The following ADAM32 variants were observed in gnomAD, a reference collection of about 807,000 sequenced individuals.
The protein encoded by ADAM32 is ADAM metallopeptidase domain 32.
A neutral mutation model predicts 114.9 loss-of-function variants in ADAM32; 89 were observed. The observed-to-expected ratio is 0.77, with a 90% CI of 0.65 to 0.92. The LOEUF is 0.92. Ranked by LOEUF, ADAM32 falls within the 40% of genes least tolerant of loss-of-function variation. ADAM32 has a pLI of 0.00. For missense variants in ADAM32, 870 were observed against 932.8 expected (o/e 0.93, Z 0.88); for synonymous variants, 285 against 307.5 (o/e 0.93, Z 0.77).
intron 19 of ADAM32, among the ~76,000 whole-genome samples, chr8:39,270,205 T>G (rs1812626924): frequency 6.6e-6 from 1 of 152,200 alleles, no homozygotes; most frequent in African/African-American, 2.4e-5. Flanking sequence ...AGAAAAAATA[T>G]TTTTAAAAAT....
At chr8:39,131,927 C>G in intron 2 of ADAM32, 1 of 213,832 alleles carries the variant, frequency 4.7e-6, no homozygotes, top group South Asian at 4.8e-5. Flanking sequence ...GAGTTTCGCT[C>G]TTGTCGCTCA....
At chr8:39,277,689 G>A (rs961433402) in intron 22 of ADAM32, among the ~76,000 whole-genome samples, 3 of 152,230 alleles carry the variant, frequency 2.0e-5, no homozygotes, top group South Asian at 2.1e-4. Flanking sequence ...GACCCACTGC[G>A]CTCCACCACT....
At chr8:39,148,107 T>C (rs1304906671) in intron 4 of ADAM32, among the ~76,000 whole-genome samples, 5 of 152,104 alleles carry the variant, frequency 3.3e-5, no homozygotes, top group Admixed American at 2.6e-4. Flanking sequence ...GGTGACCATA[T>C]TGATCCTGTT....
chr8:39,252,358 G>A (rs1811360298), intron 17 of ADAM32, among the ~76,000 whole-genome samples: 1 of 150,116 alleles, frequency 6.7e-6, no homozygotes, highest in Admixed American at 6.7e-5. Context: ...CAACCATTGG[G>A]CTAAACAACA....
chr8:39,151,342 T>A, intron 5 of ADAM32, 35 bp from the exon 6 acceptor site: 1 of 1,500,072 alleles, frequency 6.7e-7, no homozygotes, highest in Middle Eastern at 2.0e-4. Flanking sequence ...TAGATTTGAT[T>A]AAAAGCACTT....
At chr8:39,198,457 A>T (rs987623719) in intron 11 of ADAM32, among the ~76,000 whole-genome samples, 1 of 152,020 alleles carries the variant, frequency 6.6e-6, no homozygotes, top group Admixed American at 6.6e-5. Context: ...GGCTCACTGC[A>T]ACCTCTGCCT....
At chr8:39,273,684 T>C (rs753446388) in intron 20 of ADAM32, among the ~76,000 whole-genome samples, 8 of 152,230 alleles carry the variant, frequency 5.3e-5, no homozygotes, top group Non-Finnish European at 1.2e-4. Context: ...GCTTCTGAAG[T>C]TATTCAGCCT....
At position 39,257,292 on chromosome 8, in the gene ADAM32, G is replaced by A; in HGVS notation, c.2111G>A (p.Arg704Lys). 6.2e-7 allele frequency: 1 copy of A among 1,613,126 alleles called. No individual in the cohort carries two copies. Among genetic ancestry groups the A allele is most frequent in the Non-Finnish European group, 8.5e-7 (1 of 1,179,460 alleles). ...LIVTTAIVLA[R>K]KQLKKWFAKE... is the part of the protein sequence containing the mutation. ...GTAACAACCGCAATAGTTTTGGCAA[G>A]GAAACAGTTGAAAAAGTGGTTCGCC... The change falls in exon 19 of 25, where the codon AGG (arginine) becomes AAG (lysine). Residue 704 changes from arginine (R) to lysine (K), a missense_variant. Arg to Lys is a conservative substitution (Grantham distance 26). Coordinates refer to ENST00000379907, the MANE Select transcript of ADAM32 (RefSeq NM_145004.7).
At chr8:39,211,007 T>C (rs1380735359) in intron 11 of ADAM32, 137 bp from the exon 12 acceptor site, 1 of 650,388 alleles carries the variant, frequency 1.5e-6, no homozygotes, top group Non-Finnish European at 2.3e-6. Flanking sequence ...TCCTCAAGTA[T>C]GATTTTGGCC....
At chr8:39,164,896 C>G in intron 8 of ADAM32, 61 bp downstream of exon 8, 1 of 1,531,940 alleles carries the variant, frequency 6.5e-7, no homozygotes, top group Non-Finnish European at 9.0e-7. Context: ...TTTGCCTAAA[C>G]TTGATGCGGT....
intron 2 of ADAM32, 53 bp from the exon 3 acceptor site, chr8:39,136,604 T>A: frequency 8.4e-7 from 1 of 1,193,184 alleles, no homozygotes; most frequent in Non-Finnish European, 1.2e-6. Context: ...AAACTGTTGT[T>A]TTGCTTCTTG....
At chr8:39,245,047 T>C (rs1318827895) in intron 16 of ADAM32, among the ~76,000 whole-genome samples, 1 of 152,070 alleles carries the variant, frequency 6.6e-6, no homozygotes, top group Non-Finnish European at 1.5e-5. Context: ...AGCAAAAATA[T>C]AATCAGCAGA....
rs770492562 is a variant in ADAM32 at position 39,165,079 on chromosome 8, G to A, written c.716G>A (p.Trp239Ter). Residue 239 changes from tryptophan (W) to a stop codon, truncating the protein, a stop_gained, in exon 9 of 25, where the codon TGG becomes TAG. Transcript: ENST00000379907. LOFTEE classifies it high-confidence loss of function. ...VTIVLSSLELWSDENKISTVG... is the reference protein window; with the variant it reads ...VTIVLSSLEL The stretch of plus-strand genomic sequence containing the variant: ...ATTGTGCTGTCATCATTGGAGTTAT[G>A]GTCAGATGAAAATAAGATTTCTACA... 3 of 1,609,552 alleles carry A rather than the reference G, an allele frequency of 1.9e-6. No homozygotes were observed. Among genetic ancestry groups the A allele is most frequent in the Non-Finnish European group, 2.5e-6 (3 of 1,177,918 alleles).
At chr8:39,114,009 T>G (rs1271763915) in intron 1 of ADAM32, among the ~76,000 whole-genome samples, 1 of 152,148 alleles carries the variant, frequency 6.6e-6, no homozygotes, top group Non-Finnish European at 1.5e-5. Flanking sequence ...TTTTTTTCAC[T>G]AATCAACTAT....
intron 17 of ADAM32, among the ~76,000 whole-genome samples, chr8:39,250,117 A>T (rs1469887179): frequency 6.6e-6 from 1 of 151,888 alleles, no homozygotes; most frequent in Non-Finnish European, 1.5e-5. Flanking sequence ...ATTTGTTGTG[A>T]GACATTAATT....
At chr8:39,157,991 A>G in intron 6 of ADAM32, 1 of 318,404 alleles carries the variant, frequency 3.1e-6, no homozygotes, top group South Asian at 3.5e-5. Context: ...CACAGCCCTC[A>G]GTGGGTCTTG....
intron 4 of ADAM32, among the ~76,000 whole-genome samples, chr8:39,147,466 T>C (rs1252514415): frequency 6.6e-6 from 1 of 151,924 alleles, no homozygotes; most frequent in Non-Finnish European, 1.5e-5. Flanking sequence ...ATTTTGTTTG[T>C]AAGAATATAA....
At chr8:39,158,383 A>G (rs1440173558) in intron 6 of ADAM32, 1 of 176,524 alleles carries the variant, frequency 5.7e-6, no homozygotes, top group African/African-American at 2.4e-5. Context: ...TAATGTGCTC[A>G]ACAAAGATGG....
chr8:39,168,129 T>A (rs1804963727), intron 9 of ADAM32: 1 of 152,186 alleles, frequency 6.6e-6, no homozygotes, highest in South Asian at 2.1e-4. Flanking sequence ...TCTGCTACAT[T>A]GCAGCAGACC....
Sources: gnomAD v4.1 joint callset for allele counts (sites outside exome capture counted in the v4.1 genomes callset) on GRCh38, gnomAD v4.1.1 for gene constraint, MANE v1.5 for transcripts, NCBI Gene and HGNC (gene_info 2026-07-23, HGNC 2026-07-21) for gene names.